The following MCOLN2 variants were observed in gnomAD, a reference collection of about 807,000 sequenced individuals.
MCOLN2 encodes the protein mucolipin TRP cation channel 2.
In MCOLN2, 57 loss-of-function variants were observed where a neutral mutation model predicts 67.5. That is an observed-to-expected ratio of 0.84 (90% CI 0.68 to 1.05). The LOEUF (loss-of-function observed/expected upper bound fraction) is 1.05, where lower values mean the gene tolerates loss of function less well. Ranked by LOEUF, MCOLN2 falls within the 50% of genes least tolerant of loss-of-function variation. MCOLN2 has a pLI of 0.00. For synonymous variants in MCOLN2, 246 were observed against 233.3 expected (o/e 1.05, Z -0.50); for missense variants, 620 against 678.8 (o/e 0.91, Z 0.96).
intron 1 of MCOLN2, among the ~76,000 whole-genome samples, chr1:84,973,771 T>C (rs488710): frequency 0.49 from 74,735 of 152,032 alleles, 18,595 homozygotes; most frequent in East Asian, 0.64. Context: ...CTGATCATCC[T>C]CTCACAAGAG....
chr1:84,991,923 T>G (rs921983370), intron 1 of MCOLN2, among the ~76,000 whole-genome samples: 1 of 152,252 alleles, frequency 6.6e-6, no homozygotes, highest in African/African-American at 2.4e-5. Flanking sequence ...ACTGGAATTA[T>G]GACATTTCCT....
chr1:84,969,716 C>T (rs181465312), intron 1 of MCOLN2, among the ~76,000 whole-genome samples: 3,724 of 151,976 alleles, frequency 0.025, 71 homozygotes, highest in Non-Finnish European at 0.034. Context: ...AGCACTTAGT[C>T]CGCGGAGCAA....
intron 1 of MCOLN2, among the ~76,000 whole-genome samples, chr1:84,971,243 G>A (rs574954): frequency 0.37 from 55,904 of 151,844 alleles, 10,874 homozygotes; most frequent in African/African-American, 0.48. Flanking sequence ...CATGTAGGGG[G>A]AAAGAGTTGA....
intron 2 of MCOLN2, among the ~76,000 whole-genome samples, chr1:84,959,255 A>G (rs115384811): frequency 0.014 from 2,116 of 152,318 alleles, 52 homozygotes; most frequent in African/African-American, 0.049. Flanking sequence ...TTTACACCTG[A>G]GAGTTTCCCT....
At chr1:84,986,887 G>C (rs983958130) in intron 1 of MCOLN2, among the ~76,000 whole-genome samples, 1 of 152,116 alleles carries the variant, frequency 6.6e-6, no homozygotes, top group Non-Finnish European at 1.5e-5. Flanking sequence ...AATAGATGTT[G>C]GCGGGGATGG....
intron 9 of MCOLN2, among the ~76,000 whole-genome samples, chr1:84,938,657 G>C (rs1202209763): frequency 6.6e-6 from 1 of 152,220 alleles, no homozygotes; most frequent in Non-Finnish European, 1.5e-5. Context: ...TGCAGGACAG[G>C]CTGGGAGGAA....
chr1:84,976,480 A>C (rs1188681068), intron 1 of MCOLN2, among the ~76,000 whole-genome samples: 2 of 152,220 alleles, frequency 1.3e-5, no homozygotes, highest in Non-Finnish European at 2.9e-5. Flanking sequence ...AGATTTTCCC[A>C]GACAAGGTCG....
At chr1:84,973,478 A>T (rs975981210) in intron 1 of MCOLN2, among the ~76,000 whole-genome samples, 6 of 152,178 alleles carry the variant, frequency 3.9e-5, no homozygotes, top group Non-Finnish European at 5.9e-5. Flanking sequence ...ATCCTGTCTC[A>T]AGTAAATAAA....
intron 2 of MCOLN2, among the ~76,000 whole-genome samples, chr1:84,960,745 C>G (rs1312681453): frequency 1.3e-5 from 2 of 152,190 alleles, no homozygotes; most frequent in Non-Finnish European, 2.9e-5. Context: ...AGGGAAGCAA[C>G]ACATACATGA....
chr1:84,979,112 C>T (rs1194312889), intron 1 of MCOLN2, among the ~76,000 whole-genome samples: 2 of 152,114 alleles, frequency 1.3e-5, no homozygotes, highest in Non-Finnish European at 2.9e-5. Context: ...CTGCCTTTCC[C>T]AGCCCACTGA....
chr1:84,926,645 G>T lies in MCOLN2; in HGVS notation c.*40C>A. ...TTTGGGGTTCCTCTGCTCAGCCGCT[G>T]GATAAGGATGCCTGAACTTTAATCA... On this transcript the variant is annotated 3_prime_UTR_variant, in exon 14 of 14. Coordinates refer to ENST00000370608, the MANE Select transcript of MCOLN2 (RefSeq NM_153259.4). 1.3e-6 allele frequency: 2 copies of T among 1,504,380 alleles called. No homozygotes were observed. The highest frequency in any genetic ancestry group is 1.3e-5 in the South Asian group (1 of 77,608). The allele number at this position is 1,504,380 out of a possible 1,614,324, so 93.2% of individuals were successfully genotyped here.
intron 1 of MCOLN2, among the ~76,000 whole-genome samples, chr1:84,970,470 G>A (rs545392266): frequency 6.7e-6 from 1 of 148,506 alleles, no homozygotes; most frequent in South Asian, 2.1e-4. Context: ...AGGAGTTTGA[G>A]ATCAGCCTGG....
chr1:84,969,620 C>T (rs925015311), intron 1 of MCOLN2, among the ~76,000 whole-genome samples: 1 of 151,546 alleles, frequency 6.6e-6, no homozygotes, highest in Non-Finnish European at 1.5e-5. Context: ...CAATGAGTCT[C>T]ATTCAAAAGA....
At chr1:84,996,135 C>T (rs953046088) in intron 1 of MCOLN2, among the ~76,000 whole-genome samples, 7 of 151,972 alleles carry the variant, frequency 4.6e-5, no homozygotes, top group Admixed American at 2.0e-4. Context: ...AAAAGTTGTG[C>T]GATTTTGGTT....
At position 84,952,109 on chromosome 1, in the gene MCOLN2, T is replaced by C. The variant is rs1648515430; in HGVS notation, c.747+134A>G. ...ATTAGAAAAAAAGAAAAGAGTATCATATTGTATCACTAAATCTGTTTTAAA... is the reference window on the plus strand; with the variant it reads ...ATTAGAAAAAAAGAAAAGAGTATCACATTGTATCACTAAATCTGTTTTAAA... On this transcript the variant is annotated intron_variant, in intron 6 of 13. Transcript: ENST00000370608. 15 of 624,528 alleles carry C rather than the reference T, an allele frequency of 2.4e-5. No individual in the cohort carries two copies. The Middle Eastern group carries it at 1.3e-3, about 53-fold the overall frequency. The allele number at this position is 624,528 out of a possible 1,614,324, so 38.7% of individuals were successfully genotyped here.
At chr1:84,953,923 A>G (rs1203929398) in intron 4 of MCOLN2, among the ~76,000 whole-genome samples, 1 of 152,180 alleles carries the variant, frequency 6.6e-6, no homozygotes. Context: ...TTCCATGCTG[A>G]CTTTGAAATG....
intron 7 of MCOLN2, among the ~76,000 whole-genome samples, chr1:84,942,280 C>T (rs1463313243): frequency 6.6e-6 from 1 of 152,302 alleles, no homozygotes; most frequent in East Asian, 1.9e-4. Flanking sequence ...TTCATTACAT[C>T]TGCAAAGGCA....
At chr1:84,943,209 A>G (rs563878631) in intron 7 of MCOLN2, among the ~76,000 whole-genome samples, 36 of 152,168 alleles carry the variant, frequency 2.4e-4, no homozygotes, top group Non-Finnish European at 4.4e-4. Flanking sequence ...GAATCGTAAG[A>G]GATGGAGAGA....
chr1:84,958,394 A>G, intron 3 of MCOLN2, 135 bp downstream of exon 3: 1 of 612,924 alleles, frequency 1.6e-6, no homozygotes, highest in African/African-American at 1.9e-5. Flanking sequence ...AGAAATAGCA[A>G]TAAACATTTT....
Sources: gnomAD v4.1 joint callset for allele counts (sites outside exome capture counted in the v4.1 genomes callset) on GRCh38, gnomAD v4.1.1 for gene constraint, MANE v1.5 for transcripts, NCBI Gene and HGNC (gene_info 2026-07-23, HGNC 2026-07-21) for gene names.